The following ADARB2 variants were observed in gnomAD, a reference collection of about 807,000 sequenced individuals.
The protein encoded by ADARB2 is inactive double-stranded RNA-specific editase B2.
In ADARB2, 25 loss-of-function variants were observed where a neutral mutation model predicts 62.2. The observed-to-expected ratio is 0.40, with a 90% confidence interval of 0.29 to 0.56. ADARB2 has a LOEUF of 0.56. Among genes scored for constraint, ADARB2 ranks in the 20% least tolerant of loss-of-function variants. ADARB2 has a pLI of 0.43. For missense variants in ADARB2, 1,071 were observed against 1,077.4 expected, an observed-to-expected ratio of 0.99 and a Z score of 0.08; for synonymous variants, 572 against 500.8, an observed-to-expected ratio of 1.14 and a Z score of -1.90.
At chr10:1,408,901 G>T (rs1017269592) in intron 1 of ADARB2, among the ~76,000 whole-genome samples, 6 of 152,214 alleles carry the variant, frequency 3.9e-5, no homozygotes, top group Non-Finnish European at 5.9e-5. Context: ...GAGGATGAGG[G>T]TGGCCGCGGC....
At chr10:1,565,639 C>T (rs1832850195) in intron 1 of ADARB2, among the ~76,000 whole-genome samples, 1 of 152,170 alleles carries the variant, frequency 6.6e-6, no homozygotes, top group South Asian at 2.1e-4. Context: ...ATTTGGCCAC[C>T]TAGAATAATT....
chr10:1,368,886 G>A (rs11250471), intron 2 of ADARB2, among the ~76,000 whole-genome samples: 84,306 of 119,966 alleles, frequency 0.7, 32,566 homozygotes, highest in Middle Eastern at 0.86. Context: ...TCGTGGGGCC[G>A]GGCTGGGTGA....
chr10:1,386,870 T>TA (rs887668389), intron 1 of ADARB2, among the ~76,000 whole-genome samples: 1 of 151,882 alleles, frequency 6.6e-6, no homozygotes, highest in Admixed American at 6.5e-5. Flanking sequence ...CACTACAAAA[T>TA]AAAAAAGGTC....
chr10:1,330,566 G>C (rs1224385853), intron 3 of ADARB2, among the ~76,000 whole-genome samples: 1 of 152,196 alleles, frequency 6.6e-6, no homozygotes, highest in African/African-American at 2.4e-5. Flanking sequence ...CAGAACTGGG[G>C]CAAAGATGTT....
chr10:1,288,324 AAC>A (rs970643314), intron 3 of ADARB2, among the ~76,000 whole-genome samples: 4 of 152,256 alleles, frequency 2.6e-5, no homozygotes, highest in African/African-American at 4.8e-5. Flanking sequence ...CGAAACAGGA[AAC>A]ACAAAATACC....
chr10:1,444,452 T>A (rs1309852982), intron 1 of ADARB2, among the ~76,000 whole-genome samples: 1 of 144,434 alleles, frequency 6.9e-6, no homozygotes, highest in Non-Finnish European at 1.5e-5. Flanking sequence ...CCATTGATCA[T>A]CCATCTATCT....
At chr10:1,631,693 C>T (rs1833845563) in intron 1 of ADARB2, among the ~76,000 whole-genome samples, 1 of 152,150 alleles carries the variant, frequency 6.6e-6, no homozygotes, top group African/African-American at 2.4e-5. Context: ...GCTGTGTGGG[C>T]TGCAGTGCAG....
chr10:1,637,446 A>T (rs1833929901), intron 1 of ADARB2, among the ~76,000 whole-genome samples: 1 of 152,196 alleles, frequency 6.6e-6, no homozygotes, highest in Non-Finnish European at 1.5e-5. Flanking sequence ...TTGAAAAGCA[A>T]ATACACTTTC....
chr10:1,629,504 C>A (rs545129683), intron 1 of ADARB2, among the ~76,000 whole-genome samples: 1 of 150,712 alleles, frequency 6.6e-6, no homozygotes, highest in East Asian at 2.0e-4. Flanking sequence ...CTCCCCACTG[C>A]GCCCAACACC....
chr10:1,309,912 G>A (rs996039047), intron 3 of ADARB2, among the ~76,000 whole-genome samples: 3 of 152,208 alleles, frequency 2.0e-5, no homozygotes, highest in Non-Finnish European at 4.4e-5. Flanking sequence ...TGCCACCTGC[G>A]GGCACACCTG....
At chr10:1,602,033 G>C (rs542135332) in intron 1 of ADARB2, among the ~76,000 whole-genome samples, 2 of 152,298 alleles carry the variant, frequency 1.3e-5, no homozygotes, top group South Asian at 4.1e-4. Flanking sequence ...AGGGCTCATG[G>C]GAACCGGTGC....
At chr10:1,709,617 A>G (rs574630772) in intron 1 of ADARB2, among the ~76,000 whole-genome samples, 1 of 152,338 alleles carries the variant, frequency 6.6e-6, no homozygotes, top group South Asian at 2.1e-4. Context: ...AGTGACCCTA[A>G]GCACAGGTGG....
At chr10:1,479,313 G>C (rs1055399914) in intron 1 of ADARB2, among the ~76,000 whole-genome samples, 3 of 152,210 alleles carry the variant, frequency 2.0e-5, no homozygotes, top group African/African-American at 7.2e-5. Flanking sequence ...ATGTGTGACA[G>C]GTTTGCTGGG....
In ADARB2 at chr10:1,701,885, G is replaced by A. The variant is rs1439288639; in HGVS notation, c.100+35166C>T. ...ATCCCACTCCACCGGGAGACCAGGC[G>A]CTCGCCAATACACTCAATCCCACTC... is the stretch of plus-strand genomic sequence containing the variant. On this transcript the variant is annotated intron_variant, in intron 1 of 9. Coordinates refer to ENST00000381312, the MANE Select transcript of ADARB2 (RefSeq NM_018702.4). Among the ~76,000 whole-genome samples, 33 of 148,230 alleles carry A rather than the reference G, an allele frequency of 2.2e-4. No individual in the cohort carries two copies. The Middle Eastern group carries it at 0.011, about 49-fold the overall frequency.
rs149030030 is a variant in ADARB2, at chr10:1,498,851, TACTC to T, written c.101-119695_101-119692del. On this transcript the variant is annotated intron_variant, in intron 1 of 9. Transcript: ENST00000381312. The stretch of plus-strand genomic sequence containing the variant: ...CATCACTCACTCATTATTCACCTCT[TACTC>T]ACTCATCATTTATCATTCAGTCATT... Among the ~76,000 whole-genome samples, 976 of 152,152 alleles carry T rather than the reference TACTC, an allele frequency of 6.4e-3. 10 individuals carry two copies. Among genetic ancestry groups the T allele is most frequent in the African/African-American group, 0.022 (901 of 41,484 alleles).
intron 3 of ADARB2, among the ~76,000 whole-genome samples, chr10:1,326,879 ACAGCGCCTCCCCACTGCC>A (rs1564257935): frequency 3.6e-3 from 70 of 19,594 alleles, no homozygotes; most frequent in East Asian, 5.9e-3. Context: ...TCCCCACGGC[ACAGCGCCTCCCCACTGCC>A]CAGCGCCTCC....
intron 1 of ADARB2, among the ~76,000 whole-genome samples, chr10:1,695,736 GTGTA>G (rs1834732564): frequency 6.6e-6 from 1 of 152,180 alleles, no homozygotes; most frequent in Non-Finnish European, 1.5e-5. Context: ...GACCATGCAT[GTGTA>G]TGTATACATG....
intron 1 of ADARB2, among the ~76,000 whole-genome samples, chr10:1,484,910 G>A (rs917019913): frequency 1.3e-5 from 2 of 152,164 alleles, no homozygotes; most frequent in Admixed American, 6.5e-5. Flanking sequence ...GCACTTGTAG[G>A]TAGGTGTGCA....
At chr10:1,216,688 G>T (rs959854775) in intron 7 of ADARB2, 1 of 515,838 alleles carries the variant, frequency 1.9e-6, no homozygotes, top group Admixed American at 3.6e-5. Flanking sequence ...GGGGTTGCCG[G>T]GCCTTGCTCG....
Sources: gnomAD v4.1 joint callset for allele counts (sites outside exome capture counted in the v4.1 genomes callset) on GRCh38, gnomAD v4.1.1 for gene constraint, MANE v1.5 for transcripts, NCBI Gene and HGNC (gene_info 2026-07-23, HGNC 2026-07-21) for gene names.